UROC1: variants seen among roughly 807,000 people sequenced by gnomAD.
UROC1 encodes urocanate hydratase.
UROC1 carries 79 observed loss-of-function variants against 89.5 expected under a neutral mutation model. The ratio of observed to expected loss-of-function variants is 0.88; its 90% confidence interval spans 0.74 to 1.06. The LOEUF (loss-of-function observed/expected upper bound fraction) is 1.06. Among genes scored for constraint, UROC1 ranks in the 50% least tolerant of loss-of-function variants. The probability of loss-of-function intolerance (pLI) is 0.00; values close to 1 mark genes in which losing one functional copy is unlikely to be tolerated. For synonymous variants in UROC1, 361 were observed against 354.8 expected (o/e 1.02, Z -0.20); for missense variants, 885 against 907.8 (o/e 0.97, Z 0.32).
rs1042084434 is a variant in UROC1 at position 126,503,923 on chromosome 3, G to A, written c.902+72C>T. 2.5e-5 allele frequency: 39 copies of A among 1,566,608 alleles called. No homozygotes were observed. In the East Asian group the frequency reaches 8.7e-4, roughly 35 times the overall value. The stretch of plus-strand genomic sequence containing the variant: ...ACAGGCCCACACCAAGCTGCCCCAT[G>A]GGGGTCCTCTTGTGGTCTCCTGCTG... On this transcript the variant is annotated intron_variant, in intron 9 of 19. Coordinates refer to ENST00000290868, the MANE Select transcript of UROC1 (RefSeq NM_144639.3).
chr3:126,509,737 T>C (rs1936155126), intron 2 of UROC1, 59 bp from the exon 3 acceptor site: 6 of 1,484,782 alleles, frequency 4.0e-6, no homozygotes, highest in Admixed American at 3.9e-5. Context: ...GCATCTAGCC[T>C]GGCCCCGCCC....
intron 15 of UROC1, among the ~76,000 whole-genome samples, chr3:126,495,178 C>G (rs758973446): frequency 1.1e-4 from 16 of 152,194 alleles, no homozygotes; most frequent in Non-Finnish European, 1.5e-4. Context: ...AGGCCACTTT[C>G]CCCCTCTACG....
intron 14 of UROC1, among the ~76,000 whole-genome samples, chr3:126,497,652 G>A (rs755669524): frequency 6.6e-6 from 1 of 152,212 alleles, no homozygotes; most frequent in Non-Finnish European, 1.5e-5. Context: ...GGTGTGCTGC[G>A]GGCTGCCCAG....
intron 18 of UROC1, among the ~76,000 whole-genome samples, chr3:126,486,353 A>G (rs1407530150): frequency 1.3e-5 from 2 of 152,234 alleles, no homozygotes; most frequent in Non-Finnish European, 2.9e-5. Flanking sequence ...CTGAGGTCCA[A>G]CCAACCCAAG....
chr3:126,510,838 G>A, intron 1 of UROC1, 44 bp from the exon 2 acceptor site: 3 of 1,603,174 alleles, frequency 1.9e-6, no homozygotes, highest in Non-Finnish European at 1.7e-6. Flanking sequence ...GGGACTCCAG[G>A]CCCGGTGTTC....
Position 126,501,367 on chromosome 3 carries a change from G to T in UROC1, c.903-87C>A, listed in dbSNP as rs186354030. ...ACCTGCACCCCAGCTGCACACAGGG[G>T]CAGACCCAGGAGGCCACCAGAGGTG... On this transcript the variant is annotated intron_variant, in intron 9 of 19. Transcript: ENST00000290868. The T allele has an allele frequency of 3.7e-5, 57 of 1,525,898 alleles. No homozygotes were observed. In the East Asian group the frequency reaches 1.3e-3, roughly 34 times the overall value. The allele number at this position is 1,525,898 out of a possible 1,614,324, so 94.5% of individuals were successfully genotyped here.
chr3:126,491,918 A>G (rs933045005), intron 16 of UROC1, among the ~76,000 whole-genome samples: 1 of 152,148 alleles, frequency 6.6e-6, no homozygotes, highest in Non-Finnish European at 1.5e-5. Context: ...AGGGCTACGG[A>G]CCTGCCCAAG....
intron 8 of UROC1, 26 bp downstream of exon 8, chr3:126,505,675 C>A (rs771983938): frequency 6.2e-7 from 1 of 1,611,666 alleles, no homozygotes; most frequent in Non-Finnish European, 8.5e-7. Context: ...CAGGCAGGAG[C>A]GAAGGCCAGG....
chr3:126,504,051 C>A lies in UROC1; in HGVS notation c.846G>T (p.Arg282Ser). The change falls in exon 9 of 20, where the codon AGG (arginine) becomes AGT (serine). Residue 282 changes from arginine (R) to serine (S), a missense_variant. Transcript: ENST00000290868. ...CAGTCACTTCCATCAGCCAGCCCTGCCTGTGGCGTTTCTCAAGGGCTGCTT... is the reference window on the plus strand; with the variant it reads ...CAGTCACTTCCATCAGCCAGCCCTGACTGTGGCGTTTCTCAAGGGCTGCTT... ...VDKAALEKRH[R>S]QGWLMEVTDS... 6.2e-7 allele frequency: 1 copy of A among 1,614,044 alleles called. No homozygotes were observed. The highest frequency in any genetic ancestry group is 8.5e-7 in the Non-Finnish European group (1 of 1,180,046).
chr3:126,494,966 T>A (rs192414348), intron 15 of UROC1, among the ~76,000 whole-genome samples: 1 of 152,242 alleles, frequency 6.6e-6, no homozygotes, highest in Non-Finnish European at 1.5e-5. Flanking sequence ...CACCACCGTC[T>A]CCGCTTTGCA....
Position 126,488,049 on chromosome 3 carries a change from A to G in UROC1, c.1790+149T>C, listed in dbSNP as rs926241728. On this transcript the variant is annotated intron_variant, in intron 18 of 19. Coordinates refer to ENST00000290868, the MANE Select transcript of UROC1 (RefSeq NM_144639.3). ...TTCTGTCAACTGTCTCCGCTCACGC[A>G]AGGAACACATTTTCCACAAAGGTGA... 1.1e-5 allele frequency: 10 copies of G among 890,604 alleles called. No homozygotes were observed. In the African/African-American group the frequency reaches 1.3e-4, roughly 12 times the overall value. The allele number at this position is 890,604 out of a possible 1,614,324, so 55.2% of individuals were successfully genotyped here. A position where few individuals can be genotyped will look rare whatever the true frequency, so the allele number is the denominator to read the frequency against.
At chr3:126,483,248 A>T in intron 19 of UROC1, 121 bp downstream of exon 19, 1 of 883,296 alleles carries the variant, frequency 1.1e-6, no homozygotes, top group Non-Finnish European at 1.8e-6. Flanking sequence ...TGCTGTGGTC[A>T]TGAGAGGAAT....
chr3:126,513,839 T>C (rs1936246621), intron 1 of UROC1, among the ~76,000 whole-genome samples: 1 of 152,136 alleles, frequency 6.6e-6, no homozygotes, highest in East Asian at 1.9e-4. Context: ...GAAACTTCCA[T>C]GGGCTCCCTA....
At chr3:126,491,132 C>T (rs892879680) in intron 16 of UROC1, among the ~76,000 whole-genome samples, 3 of 152,224 alleles carry the variant, frequency 2.0e-5, no homozygotes, top group Admixed American at 6.5e-5. Context: ...ACCACCTTCC[C>T]CCAGATATTC....
At chr3:126,499,198 C>CA (rs1243978366) in intron 13 of UROC1, 139 bp downstream of exon 13, 17 of 902,704 alleles carry the variant, frequency 1.9e-5, no homozygotes, top group Non-Finnish European at 3.0e-5. Context: ...CACTTTGGGG[C>CA]AGTGTGGAGG....
intron 1 of UROC1, among the ~76,000 whole-genome samples, chr3:126,511,482 C>T (rs1936195409): frequency 6.6e-6 from 1 of 152,234 alleles, no homozygotes; most frequent in Non-Finnish European, 1.5e-5. Context: ...ATTCTAAAGG[C>T]AGTGCCAGCC....
intron 16 of UROC1, among the ~76,000 whole-genome samples, chr3:126,490,170 G>A (rs1047047712): frequency 3.9e-5 from 6 of 152,334 alleles, no homozygotes; most frequent in South Asian, 2.1e-4. Flanking sequence ...AAGACTTTTC[G>A]CACAGAGAAA....
rs1368581574 is a variant in UROC1, at chr3:126,489,373, C to T, written c.1611G>A (p.Ala537=). The change falls in exon 17 of 20, where the codon GCG becomes GCA. Residue 537 remains alanine, a splice_region_variant and synonymous_variant. Transcript: ENST00000290868. The part of the protein sequence containing the change: ...NQAIACRRIK[A]PVVLSRDHHD... Reference sequence around the variant, plus strand: ...GGTGATCTCGGCTCAGGACCACCGGCGCCTGTGCATGGAAGGACAGAAGCT... The same window carrying T: ...GGTGATCTCGGCTCAGGACCACCGGTGCCTGTGCATGGAAGGACAGAAGCT... The T allele has an allele frequency of 4.3e-6, 7 of 1,611,404 alleles. No individual in the cohort carries two copies. Among genetic ancestry groups the T allele is most frequent in the African/African-American group, 2.7e-5 (2 of 74,898 alleles).
At chr3:126,488,375 G>C in intron 17 of UROC1, 96 bp from the exon 18 acceptor site, 1 of 1,450,424 alleles carries the variant, frequency 6.9e-7, no homozygotes, top group East Asian at 2.3e-5. Flanking sequence ...AGCACTGCTA[G>C]GCCAGAAGGA....
Sources: allele counts gnomAD v4.1 joint callset (sites outside exome capture counted in the v4.1 genomes callset), GRCh38; gene constraint gnomAD v4.1.1; transcripts MANE v1.5; gene names NCBI Gene and HGNC (gene_info 2026-07-23, HGNC 2026-07-21).